Variants in GMDS observed in about 807,000 individuals in gnomAD.
GMDS encodes the protein GDP-mannose 4,6 dehydratase.
A neutral mutation model predicts 49.9 loss-of-function variants in GMDS; 20 were observed. The observed-to-expected ratio is 0.40, with a 90% CI of 0.28 to 0.58. The LOEUF (loss-of-function observed/expected upper bound fraction) is 0.58. Among genes scored for constraint, GMDS ranks in the 20% least tolerant of loss-of-function variants. The pLI is 0.42. For synonymous variants in GMDS, 177 were observed against 178.6 expected (o/e 0.99, Z 0.07); for missense variants, 362 against 481.4 (o/e 0.75, Z 2.32).
intron 7 of GMDS, among the ~76,000 whole-genome samples, chr6:1,894,196 A>C (rs142736388): frequency 6.2e-4 from 94 of 152,326 alleles, no homozygotes; most frequent in African/African-American, 2.2e-3. Flanking sequence ...TCAATTTATG[A>C]GCCTAATGCT....
intron 4 of GMDS, among the ~76,000 whole-genome samples, chr6:2,036,847 C>T (rs908764349): frequency 3.3e-5 from 5 of 152,166 alleles, no homozygotes; most frequent in Admixed American, 6.5e-5. Flanking sequence ...GCAGTATTCT[C>T]CAAATTAACG....
Position 1,652,711 on chromosome 6 carries a change from T to TAGAGAG in GMDS, c.988-28172_988-28171insCTCTCT, listed in dbSNP as rs534621013. Among the ~76,000 whole-genome samples, 3 of 29,830 alleles carry TAGAGAG rather than the reference T, an allele frequency of 1.0e-4. 1 individual carries two copies. Among genetic ancestry groups the TAGAGAG allele is most frequent in the Admixed American group, 5.5e-4 (1 of 1,802 alleles). The allele number at this position is 29,830 out of a possible 152,430, so 19.6% of individuals were successfully genotyped here. Reference sequence around the variant, plus strand: ...ATATATAATATATTATATATATATATATATATATAGAGAGAGAGAGAGAGA... The same window carrying TAGAGAG: ...ATATATAATATATTATATATATATATAGAGAGATATATATAGAGAGAGAGAGAGAGA... On this transcript the variant is annotated intron_variant, in intron 9 of 10. Coordinates refer to ENST00000380815, the MANE Select transcript of GMDS (RefSeq NM_001500.4).
At chr6:1,953,882 T>A (rs897426682) in intron 6 of GMDS, among the ~76,000 whole-genome samples, 2 of 152,174 alleles carry the variant, frequency 1.3e-5, no homozygotes, top group Admixed American at 6.5e-5. Flanking sequence ...TAATAATTAA[T>A]ATCTTTATGA....
rs1432819176 is a variant in GMDS, at chr6:1,766,210, TGGCACAGAAGCAA to T, written c.772-23637_772-23625del. 7.7e-6 allele frequency among the ~76,000 whole-genome samples: 1 copy of T among 130,354 alleles called. No homozygotes were observed. The highest frequency in any genetic ancestry group is 7.4e-5 in the Admixed American group (1 of 13,588). The allele number at this position is 130,354 out of a possible 152,430, so 85.5% of individuals were successfully genotyped here. Reference sequence around the variant, plus strand: ...TGATGCCATGATTAATTTTTGTGTGTGGCACAGAAGCAAGGAGAAGTTAGCTAATTTAAGCTGA... The same window carrying T: ...TGATGCCATGATTAATTTTTGTGTGTGGAGAAGTTAGCTAATTTAAGCTGA... On this transcript the variant is annotated intron_variant, in intron 7 of 10. Coordinates refer to ENST00000380815, the MANE Select transcript of GMDS (RefSeq NM_001500.4). The surrounding 1 kb of genome is among the most constrained non-coding windows in gnomAD (Gnocchi z 4.5).
At chr6:1,724,875 C>T (rs548454088) in intron 9 of GMDS, among the ~76,000 whole-genome samples, 33 of 152,328 alleles carry the variant, frequency 2.2e-4, no homozygotes, top group African/African-American at 6.5e-4. Flanking sequence ...GCCCCGGCCA[C>T]GCCCTGTGCC....
chr6:2,219,096 G>GA (rs1347130741), intron 1 of GMDS, among the ~76,000 whole-genome samples: 1 of 151,888 alleles, frequency 6.6e-6, no homozygotes, highest in Non-Finnish European at 1.5e-5. Flanking sequence ...GACCCTGTGT[G>GA]AAAAACAAAA....
At chr6:2,159,520 T>C (rs984268270) in intron 1 of GMDS, among the ~76,000 whole-genome samples, 37 of 139,388 alleles carry the variant, frequency 2.7e-4, no homozygotes, top group East Asian at 1.8e-3. Context: ...TTTTCTTTTT[T>C]TTTTTTTTTT....
At position 2,086,421 on chromosome 6, in the gene GMDS, A is replaced by G. The variant is rs541185469; in HGVS notation, c.345+29350T>C. On this transcript the variant is annotated intron_variant, in intron 4 of 10. Transcript: ENST00000380815. ...AGAATTCCCATCATTCTAATACGAT[A>G]CAGAGAGCTACTCTGTTAAAATCCA... 3.3e-5 allele frequency among the ~76,000 whole-genome samples: 5 copies of G among 152,334 alleles called. No individual in the cohort carries two copies. The South Asian group carries it at 6.2e-4, about 19-fold the overall frequency.
intron 4 of GMDS, among the ~76,000 whole-genome samples, chr6:2,028,257 T>A (rs1189660156): frequency 6.6e-6 from 1 of 152,172 alleles, no homozygotes; most frequent in African/African-American, 2.4e-5. Flanking sequence ...CTTATAAGAT[T>A]AAAAGAAGCA....
At chr6:2,019,872 T>C (rs1768163120) in intron 4 of GMDS, among the ~76,000 whole-genome samples, 1 of 152,226 alleles carries the variant, frequency 6.6e-6, no homozygotes, top group Non-Finnish European at 1.5e-5. Flanking sequence ...GTTCTACTGA[T>C]ATGCTATATT....
intron 7 of GMDS, among the ~76,000 whole-genome samples, chr6:1,851,190 C>T (rs973820952): frequency 1.3e-5 from 2 of 152,134 alleles, no homozygotes; most frequent in Non-Finnish European, 2.9e-5. Flanking sequence ...AAGAATGGAA[C>T]GTAGGACATT....
In GMDS at chr6:1,779,004, C is replaced by T. The variant is rs554858775; in HGVS notation, c.772-36418G>A. 1.6e-4 allele frequency among the ~76,000 whole-genome samples: 25 copies of T among 152,316 alleles called. No homozygotes were observed. In the South Asian group the frequency reaches 4.4e-3, roughly 27 times the overall value. ...CTGGCGTGGCCTCCCATGCTGATCC[C>T]TGGACCAGTCCTGGCTGGGGTGGGA... On this transcript the variant is annotated intron_variant, in intron 7 of 10. Coordinates refer to ENST00000380815, the MANE Select transcript of GMDS (RefSeq NM_001500.4).
At chr6:2,074,643 T>A (rs562451390) in intron 4 of GMDS, among the ~76,000 whole-genome samples, 14 of 152,334 alleles carry the variant, frequency 9.2e-5, no homozygotes, top group African/African-American at 3.4e-4. Flanking sequence ...CAGCTTTGGG[T>A]CTTACGTTTA....
chr6:1,902,833 AT>A (rs951465605), intron 7 of GMDS, among the ~76,000 whole-genome samples: 6 of 152,202 alleles, frequency 3.9e-5, no homozygotes, highest in African/African-American at 1.4e-4. Flanking sequence ...CACATAAACT[AT>A]TGTTTATTAA....
At chr6:1,751,762 G>T (rs1318812400) in intron 7 of GMDS, among the ~76,000 whole-genome samples, 3 of 152,184 alleles carry the variant, frequency 2.0e-5, no homozygotes, top group Admixed American at 6.5e-5. Context: ...AAAGTGCTGG[G>T]ATTACAGGCA....
chr6:2,130,930 A>AT (rs1323546894), intron 1 of GMDS, among the ~76,000 whole-genome samples: 4 of 151,060 alleles, frequency 2.6e-5, no homozygotes, highest in Non-Finnish European at 3.0e-5. Flanking sequence ...TGTGGCCTTA[A>AT]TTTTTTTTTC....
In GMDS at chr6:1,858,940, G is replaced by A. The variant is rs140726139; in HGVS notation, c.771+71163C>T. 5.1e-3 allele frequency among the ~76,000 whole-genome samples: 758 copies of A among 148,730 alleles called. 5 individuals carry two copies. The highest frequency in any genetic ancestry group is 0.017 in the African/African-American group (671 of 39,704). On this transcript the variant is annotated intron_variant, in intron 7 of 10. Transcript: ENST00000380815. ...AGGGTACATTAAAGGAGAAATGGCC[G>A]TATCTCAGTGCTTTTTTTGTGTTTT...
intron 4 of GMDS, among the ~76,000 whole-genome samples, chr6:2,071,394 G>A (rs771259784): frequency 6.6e-6 from 1 of 152,022 alleles, no homozygotes; most frequent in Non-Finnish European, 1.5e-5. Flanking sequence ...ACAAGAGTTT[G>A]TCCTGTGTGA....
At chr6:1,790,418 A>G (rs576783001) in intron 7 of GMDS, among the ~76,000 whole-genome samples, 10 of 152,326 alleles carry the variant, frequency 6.6e-5, no homozygotes, top group African/African-American at 2.4e-4. Flanking sequence ...AAATGTAGAG[A>G]GGCTGAGTAA....
Sources: gnomAD v4.1 joint callset for allele counts (sites outside exome capture counted in the v4.1 genomes callset) on GRCh38, gnomAD v4.1.1 for gene constraint, Gnocchi (gnomAD v3.1) non-coding constraint, MANE v1.5 for transcripts, NCBI Gene and HGNC (gene_info 2026-07-23, HGNC 2026-07-21) for gene names.